Variants in PARD6G observed in about 807,000 individuals in gnomAD.
PARD6G encodes the protein par-6 family cell polarity regulator gamma.
Under a neutral mutation model 10.7 loss-of-function variants are expected in PARD6G, and 7 were observed. The ratio of observed to expected loss-of-function variants is 0.66; its 90% CI spans 0.37 to 1.23. The LOEUF is 1.23. Among genes scored for constraint, PARD6G ranks in the 50% most tolerant of loss-of-function variants. The probability of loss-of-function intolerance (pLI) is 0.02; values close to 1 mark genes in which losing one functional copy is unlikely to be tolerated. For synonymous variants in PARD6G, 287 were observed against 269.4 expected (o/e 1.07, Z -0.64); for missense variants, 548 against 571.8 (o/e 0.96, Z 0.42).
At chr18:80,226,244 C>G (rs1405334490) in intron 1 of PARD6G, among the ~76,000 whole-genome samples, 6 of 143,164 alleles carry the variant, frequency 4.2e-5, no homozygotes, top group Admixed American at 3.6e-4. Flanking sequence ...GATCTTGGCT[C>G]ACCGCAACCT....
chr18:80,187,864 G>T (rs2052888650), intron 2 of PARD6G: 1 of 152,208 alleles, frequency 6.6e-6, no homozygotes, highest in Non-Finnish European at 1.5e-5. Context: ...AGGCTACGTG[G>T]AGTAGCCCAT....
intron 1 of PARD6G, among the ~76,000 whole-genome samples, chr18:80,219,203 GGTTTGTTTGTTT>G (rs56321410): frequency 9.1e-5 from 13 of 143,010 alleles, no homozygotes; most frequent in African/African-American, 3.3e-4. Flanking sequence ...CAGAAAATAG[GGTTTGTTTGTTT>G]GTTTGTTTGT....
In PARD6G at chr18:80,201,597, A is replaced by T. The variant is rs1351899735; in HGVS notation, c.295+1113T>A. On this transcript the variant is annotated intron_variant, in intron 2 of 2. Coordinates refer to ENST00000353265, the MANE Select transcript of PARD6G (RefSeq NM_032510.4). This position sits in a 1 kb window ranked among gnomAD's most constrained non-coding sequence, Gnocchi z 5.9. ...ATGCAGAGTGTTCTGATCTTGTGCC[A>T]GAGAATCTGTCTGAAGTGAGGTCAA... Among the ~76,000 whole-genome samples, 2 of 152,234 alleles carry T rather than the reference A, an allele frequency of 1.3e-5. No individual in the cohort carries two copies. Among genetic ancestry groups the T allele is most frequent in the Non-Finnish European group, 2.9e-5 (2 of 68,046 alleles).
intron 2 of PARD6G, among the ~76,000 whole-genome samples, chr18:80,194,573 T>C (rs531307031): frequency 9.2e-5 from 14 of 152,286 alleles, no homozygotes; most frequent in Middle Eastern, 3.4e-3. Flanking sequence ...TCAACGTGCA[T>C]GAGCTATGGA....
chr18:80,220,083 C>T (rs1316857417), intron 1 of PARD6G, among the ~76,000 whole-genome samples: 1 of 152,168 alleles, frequency 6.6e-6, no homozygotes, highest in Non-Finnish European at 1.5e-5. Context: ...TTGATTGACT[C>T]ACAGTTCTGC....
rs1036144243 is a variant in PARD6G, at chr18:80,159,830, G to C, written c.1072C>G (p.His358Asp). Residue 358 changes from histidine (H) to aspartate (D), a missense_variant, in exon 3 of 3, where the codon CAC becomes GAC. Around this residue, in one of 2 missense-constraint regions of PARD6G, gnomAD observed 313 missense variants for 279.9 expected, o/e 1.12. Coordinates refer to ENST00000353265, the MANE Select transcript of PARD6G (RefSeq NM_032510.4). The stretch of plus-strand genomic sequence containing the variant: ...CCGCCTGGCGGCAGCGCCAGGCTGT[G>C]ACGGGGGTCGGCCCGCAGGGAGCTG... ...LLSSLRADPR[H>D]SLALPPGGVE... 9 of 1,489,590 alleles carry C rather than the reference G, an allele frequency of 6.0e-6. No homozygotes were observed. Among genetic ancestry groups the C allele is most frequent in the South Asian group, 1.3e-5 (1 of 76,232 alleles). 92.3% of individuals were successfully genotyped at this position (1,489,590 alleles called of 1,614,324 possible). A position where few individuals can be genotyped will look rare whatever the true frequency, so the allele number is the denominator to read the frequency against.
chr18:80,226,328 G>A (rs1181807715), intron 1 of PARD6G, among the ~76,000 whole-genome samples: 2 of 151,690 alleles, frequency 1.3e-5, no homozygotes, highest in African/African-American at 2.4e-5. Context: ...GTACCACCAC[G>A]CCCAGCTAAT....
intron 1 of PARD6G, among the ~76,000 whole-genome samples, chr18:80,234,967 A>G (rs1161375670): frequency 6.6e-6 from 1 of 152,144 alleles, no homozygotes; most frequent in Non-Finnish European, 1.5e-5. Context: ...AAAATTAACA[A>G]GGATATCCAG....
chr18:80,203,067 T>C, intron 1 of PARD6G, 135 bp from the exon 2 acceptor site: 1 of 623,750 alleles, frequency 1.6e-6, no homozygotes, highest in East Asian at 2.9e-5. Context: ...CATCCACTGA[T>C]AGACACATAA....
chr18:80,198,701 A>T (rs1476276107), intron 2 of PARD6G, among the ~76,000 whole-genome samples: 2 of 152,012 alleles, frequency 1.3e-5, no homozygotes, highest in African/African-American at 4.8e-5. Flanking sequence ...ATTTTTTTTT[A>T]AAGTTTTGAA....
intron 1 of PARD6G, among the ~76,000 whole-genome samples, chr18:80,211,965 G>T (rs1291213704): frequency 2.0e-5 from 3 of 152,096 alleles, no homozygotes; most frequent in African/African-American, 7.2e-5. Flanking sequence ...AAGAGTTCTG[G>T]AAATGGGTGA....
chr18:80,208,771 T>C (rs954524210), intron 1 of PARD6G, among the ~76,000 whole-genome samples: 5 of 152,020 alleles, frequency 3.3e-5, no homozygotes, highest in East Asian at 3.9e-4. Flanking sequence ...CTAAAAAAGA[T>C]TGCATTGCTG....
At chr18:80,165,324 A>C (rs1373505866) in intron 2 of PARD6G, among the ~76,000 whole-genome samples, 4 of 152,146 alleles carry the variant, frequency 2.6e-5, no homozygotes, top group African/African-American at 9.7e-5. Context: ...TTCCATGTCC[A>C]TTTATAGGCT....
At chr18:80,168,839 A>G (rs1162826986) in intron 2 of PARD6G, 1 of 169,212 alleles carries the variant, frequency 5.9e-6, no homozygotes, top group Non-Finnish European at 1.5e-5. Context: ...AAGAGGGGAA[A>G]TTGAAGTCTG....
chr18:80,217,326 C>G (rs146995411), intron 1 of PARD6G, among the ~76,000 whole-genome samples: 1 of 152,078 alleles, frequency 6.6e-6, no homozygotes, highest in East Asian at 1.9e-4. Context: ...TAATTTATTA[C>G]CAAATAGATA....
At position 80,184,931 on chromosome 18, in the gene PARD6G, T is replaced by C. The variant is rs1310351279; in HGVS notation, c.295+17779A>G. On this transcript the variant is annotated intron_variant, in intron 2 of 2. Coordinates refer to ENST00000353265, the MANE Select transcript of PARD6G (RefSeq NM_032510.4). The surrounding 1 kb of genome is among the most constrained non-coding windows in gnomAD (Gnocchi z 4.5). ...ACAACCTAAATGGTCGGATGCTGAC[T>C]TAGGTCTCAATAAAGCTAAAAAATA... is the stretch of plus-strand genomic sequence containing the variant. The C allele has an allele frequency of 6.6e-6, 1 of 152,172 alleles. No homozygotes were observed. The highest frequency in any genetic ancestry group is 1.5e-5 in the Non-Finnish European group (1 of 68,032). The allele number at this position is 152,172 out of a possible 1,614,324, so 9.4% of individuals were successfully genotyped here. A position where few individuals can be genotyped will look rare whatever the true frequency, so the allele number is the denominator to read the frequency against.
At chr18:80,217,134 G>A (rs115587244) in intron 1 of PARD6G, among the ~76,000 whole-genome samples, 2,144 of 152,258 alleles carry the variant, frequency 0.014, 50 homozygotes, top group African/African-American at 0.05. Context: ...ATGTGGGTAT[G>A]TCAAAGGGAA....
chr18:80,237,423 T>TGGAAGAAAACC (rs1235959249), intron 1 of PARD6G, among the ~76,000 whole-genome samples: 2 of 152,190 alleles, frequency 1.3e-5, no homozygotes, highest in Admixed American at 6.5e-5. Context: ...GGCAATACCA[T>TGGAAGAAAACC]TCAGGACATA....
intron 2 of PARD6G, among the ~76,000 whole-genome samples, chr18:80,197,919 A>G (rs1052419223): frequency 2.0e-5 from 3 of 152,200 alleles, no homozygotes; most frequent in Admixed American, 1.3e-4. Flanking sequence ...ATCGTGGCCA[A>G]TCCATTCTGG....
Sources: allele counts gnomAD v4.1 joint callset (sites outside exome capture counted in the v4.1 genomes callset), GRCh38; gene constraint gnomAD v4.1.1; regional missense constraint gnomAD v4.1.1; non-coding constraint Gnocchi (gnomAD v3.1); transcripts MANE v1.5; gene names NCBI Gene and HGNC (gene_info 2026-07-23, HGNC 2026-07-21).